Variants in UTRN observed in about 807,000 individuals in gnomAD.
UTRN encodes the protein utrophin, also known as dystrophin-related protein 1.
Under a neutral mutation model 463.9 loss-of-function variants are expected in UTRN, and 283 were observed. The observed-to-expected ratio is 0.61, with a 90% confidence interval of 0.55 to 0.67. The LOEUF (loss-of-function observed/expected upper bound fraction) is 0.67. Among genes scored for constraint, UTRN ranks in the 30% least tolerant of loss-of-function variants. The pLI is 0.00. For missense variants in UTRN, 3,922 were observed against 4,084.3 expected, an observed-to-expected ratio of 0.96 and a Z score of 1.08; for synonymous variants, 1,442 against 1,431.5, an observed-to-expected ratio of 1.01 and a Z score of -0.17.
intron 51 of UTRN, among the ~76,000 whole-genome samples, chr6:144,660,447 T>C (rs1025605933): frequency 1.3e-5 from 2 of 152,180 alleles, no homozygotes; most frequent in Admixed American, 6.5e-5. Flanking sequence ...AAAGGGCTAA[T>C]TAGCAATTAC....
chr6:144,436,648 A>C (rs1786559635), intron 10 of UTRN, among the ~76,000 whole-genome samples: 1 of 151,346 alleles, frequency 6.6e-6, no homozygotes, highest in African/African-American at 2.4e-5. Flanking sequence ...TTTCTTTTGT[A>C]TAGTTATGTG....
intron 10 of UTRN, among the ~76,000 whole-genome samples, chr6:144,436,648 A>G (rs1786559635): frequency 6.6e-6 from 1 of 151,346 alleles, no homozygotes; most frequent in African/African-American, 2.4e-5. Flanking sequence ...TTTCTTTTGT[A>G]TAGTTATGTG....
intron 2 of UTRN, among the ~76,000 whole-genome samples, chr6:144,357,667 C>G (rs1210935666): frequency 6.6e-6 from 1 of 152,258 alleles, no homozygotes; most frequent in African/African-American, 2.4e-5. Context: ...TTTAGAATCA[C>G]TGATCTTAGT....
chr6:144,703,021 T>C (rs1439730758), intron 53 of UTRN, among the ~76,000 whole-genome samples: 1 of 152,146 alleles, frequency 6.6e-6, no homozygotes, highest in Non-Finnish European at 1.5e-5. Flanking sequence ...GAGTAGAATA[T>C]AGAGGAGTTC....
chr6:144,663,992 A>C (rs539849925), intron 51 of UTRN, among the ~76,000 whole-genome samples: 1 of 152,352 alleles, frequency 6.6e-6, no homozygotes, highest in African/African-American at 2.4e-5. Context: ...TGGAGAAGAC[A>C]TTGATCTTAT....
At chr6:144,592,289 C>A (rs1562619169) in intron 51 of UTRN, among the ~76,000 whole-genome samples, 1 of 152,122 alleles carries the variant, frequency 6.6e-6, no homozygotes, top group Non-Finnish European at 1.5e-5. Context: ...TTAAGTGCAT[C>A]CTGATTATGT....
intron 51 of UTRN, among the ~76,000 whole-genome samples, chr6:144,639,091 AAAAT>A (rs147608917): frequency 0.1 from 15,882 of 151,998 alleles, 1,409 homozygotes; most frequent in East Asian, 0.51. Context: ...TAAAATAATA[AAAAT>A]AAAAGAAAAG....
chr6:144,622,184 G>GTTTTTTTTTTTTTTTTTTTTTT (rs1199579909), intron 51 of UTRN, among the ~76,000 whole-genome samples: 3 of 88,200 alleles, frequency 3.4e-5, no homozygotes, highest in Non-Finnish European at 6.3e-5. Context: ...TTTTTTTGTT[G>GTTTTTTTTTTTTTTTTTTTTTT]TTTTTTTTTT....
At chr6:144,484,544 G>A (rs188694384) in intron 27 of UTRN, among the ~76,000 whole-genome samples, 115 of 142,868 alleles carry the variant, frequency 8.0e-4, no homozygotes, top group African/African-American at 2.9e-3. Context: ...CCAGGTTCAA[G>A]TGATTCTCCT....
chr6:144,707,490 G>T (rs572916602), intron 53 of UTRN, among the ~76,000 whole-genome samples: 48 of 152,200 alleles, frequency 3.2e-4, no homozygotes, highest in Admixed American at 1.8e-3. Context: ...TAATCTCACT[G>T]GACTCAGTGA....
At chr6:144,757,848 T>A in intron 57 of UTRN, 81 bp from the exon 58 acceptor site, 1 of 1,307,944 alleles carries the variant, frequency 7.6e-7, no homozygotes, top group Non-Finnish European at 1.1e-6. Context: ...GAATTTGCTA[T>A]AAAATGTTCA....
rs544186538 is a variant in UTRN, at chr6:144,473,875, T to A, written c.3180+42T>A. ...TGGGGAACTTGTCATAAATAACATTTTGTTCTTTTTCTATGTTATTTGCTG... is the reference window on the plus strand; with the variant it reads ...TGGGGAACTTGTCATAAATAACATTATGTTCTTTTTCTATGTTATTTGCTG... On this transcript the variant is annotated intron_variant, in intron 24 of 74. Coordinates refer to ENST00000367545, the MANE Select transcript of UTRN (RefSeq NM_007124.3). 5 of 1,448,786 alleles carry A rather than the reference T, an allele frequency of 3.5e-6. 1 individual carries two copies. The South Asian group carries it at 6.0e-5, about 17-fold the overall frequency. 89.7% of individuals were successfully genotyped at this position (1,448,786 alleles called of 1,614,324 possible). A position where few individuals can be genotyped will look rare whatever the true frequency, so the allele number is the denominator to read the frequency against.
chr6:144,447,784 A>G lies in UTRN; in HGVS notation c.1902+3A>G. ...GACTAGAAGATTCCTCCAACCAGGT[A>G]CTTTTTGATTTGGATCATATGTTGT... is the stretch of plus-strand genomic sequence containing the variant. On this transcript the variant is annotated splice_donor_region_variant and intron_variant, in intron 16 of 74. Transcript: ENST00000367545. 6.2e-7 allele frequency: 1 copy of G among 1,605,664 alleles called. No homozygotes were observed. The highest frequency in any genetic ancestry group is 8.5e-7 in the Non-Finnish European group (1 of 1,175,638).
intron 39 of UTRN, among the ~76,000 whole-genome samples, chr6:144,518,546 C>T (rs1198389717): frequency 2.0e-5 from 3 of 152,136 alleles, no homozygotes; most frequent in Non-Finnish European, 2.9e-5. Context: ...CTGAAAAATG[C>T]GTTATCTTTT....
intron 2 of UTRN, among the ~76,000 whole-genome samples, chr6:144,348,138 G>A (rs1452207436): frequency 6.6e-6 from 1 of 152,016 alleles, no homozygotes; most frequent in Non-Finnish European, 1.5e-5. Flanking sequence ...GAGCCACCAT[G>A]CCCAGCCGTG....
intron 3 of UTRN, among the ~76,000 whole-genome samples, chr6:144,409,623 T>A (rs139165966): frequency 1.3e-5 from 2 of 152,010 alleles, no homozygotes; most frequent in Non-Finnish European, 2.9e-5. Context: ...GAGGTAGTGG[T>A]TGAGGGGAGA....
intron 49 of UTRN, among the ~76,000 whole-genome samples, chr6:144,555,575 C>T (rs1203297355): frequency 1.3e-5 from 2 of 152,176 alleles, no homozygotes; most frequent in African/African-American, 2.4e-5. Flanking sequence ...GGATGACAGG[C>T]GTGCACCACC....
chr6:144,842,033 C>A (rs1273060673), intron 73 of UTRN, among the ~76,000 whole-genome samples: 1 of 139,478 alleles, frequency 7.2e-6, no homozygotes, highest in Non-Finnish European at 1.5e-5. Flanking sequence ...TCGCTTGAAC[C>A]TGGGAGGTAG....
intron 66 of UTRN, among the ~76,000 whole-genome samples, chr6:144,824,593 TA>T (rs1779949793): frequency 5.2e-5 from 3 of 57,668 alleles, no homozygotes; most frequent in Admixed American, 2.6e-4. Context: ...TATATATATA[TA>T]TATATATATA....
Sources: gnomAD v4.1 joint callset for allele counts (sites outside exome capture counted in the v4.1 genomes callset) on GRCh38, gnomAD v4.1.1 for gene constraint, MANE v1.5 for transcripts, NCBI Gene and HGNC (gene_info 2026-07-23, HGNC 2026-07-21) for gene names.